Variants in COPB2 observed in about 807,000 individuals in gnomAD.
COPB2 encodes the protein coatomer subunit beta'.
A neutral mutation model predicts 120.8 loss-of-function variants in COPB2; 16 were observed. The ratio of observed to expected loss-of-function variants is 0.13; its 90% CI spans 0.09 to 0.20. The LOEUF (loss-of-function observed/expected upper bound fraction) is 0.20, where lower values mean the gene tolerates loss of function less well. Among genes scored for constraint, COPB2 ranks in the 10% least tolerant of loss-of-function variants. The pLI is 1.00. For synonymous variants in COPB2, 332 were observed against 366.3 expected (o/e 0.91, Z 1.07); for missense variants, 794 against 1,076.5 (o/e 0.74, Z 3.67).
intron 7 of COPB2, chr3:139,374,196 A>C (rs1941675772): frequency 2.3e-6 from 1 of 428,286 alleles, no homozygotes; most frequent in African/African-American, 2.0e-5. Context: ...TTTTGAACCC[A>C]GGTTTGTTTG....
At position 139,374,533 on chromosome 3, in the gene COPB2, C is replaced by G; in HGVS notation, c.707G>C (p.Ser236Thr). 6.2e-7 allele frequency: 1 copy of G among 1,614,030 alleles called. No individual in the cohort carries two copies. Among genetic ancestry groups the G allele is most frequent in the Non-Finnish European group, 8.5e-7 (1 of 1,179,936 alleles). ...AATGATTGGCAACTCAGGATGAAAG[C>G]TGGCACAAGACACATTTTGGGCATG... is the stretch of plus-strand genomic sequence containing the variant. The part of the protein sequence containing the change: ...EGHAQNVSCA[S>T]FHPELPIIIT... The change falls in exon 7 of 22, where the codon AGC (serine) becomes ACC (threonine). Residue 236 changes from serine to threonine, a missense_variant. Physicochemically the swap from Ser to Thr is moderately conservative, Grantham distance 58. Around this residue, in one of 3 missense-constraint regions of COPB2, gnomAD observed 610 missense variants for 866.7 expected, o/e 0.70. Coordinates refer to ENST00000333188, the MANE Select transcript of COPB2 (RefSeq NM_004766.3).
chr3:139,366,994 T>A (rs773129905), intron 14 of COPB2, 21 bp downstream of exon 14: 1 of 1,593,662 alleles, frequency 6.3e-7, no homozygotes, highest in East Asian at 2.2e-5. Flanking sequence ...TTAGGACAAA[T>A]GCAAAATGAT....
At position 139,359,289 on chromosome 3, in the gene COPB2, A is replaced by G. The variant is rs764899944; in HGVS notation, c.2284T>C (p.Leu762=). Residue 762 remains leucine, a synonymous_variant, in exon 18 of 22, where the codon TTA becomes CTA. Transcript: ENST00000333188. The part of the protein sequence containing the change: ...PEAAFLARTY[L]PSQVSRVVKL... ...CTGTACCTTGAAACCTGACTGGGTA[A>G]GTAAGTTCGGGCCAAGAAGGCAGCT... 3.1e-5 allele frequency: 50 copies of G among 1,614,108 alleles called. 1 individual carries two copies. The highest frequency in any genetic ancestry group is 4.2e-5 in the Non-Finnish European group (49 of 1,180,028).
chr3:139,359,695 A>G (rs976172605), intron 17 of COPB2, among the ~76,000 whole-genome samples: 1 of 152,222 alleles, frequency 6.6e-6, no homozygotes, highest in Non-Finnish European at 1.5e-5. Flanking sequence ...CAGTTCCACA[A>G]GACAAATATC....
intron 18 of COPB2, 41 bp downstream of exon 18, chr3:139,359,227 CTT>C (rs762210832): frequency 6.3e-4 from 1,019 of 1,611,810 alleles, no homozygotes; most frequent in Admixed American, 8.0e-4. Flanking sequence ...AATGTGCTCT[CTT>C]TTTATTGGAA....
intron 16 of COPB2, among the ~76,000 whole-genome samples, chr3:139,361,690 G>A (rs192067594): frequency 1.3e-5 from 2 of 152,282 alleles, no homozygotes; most frequent in Admixed American, 1.3e-4. Flanking sequence ...ATAATATTAT[G>A]TCTCACTTGT....
chr3:139,386,583 T>A (rs1286863240), intron 1 of COPB2, among the ~76,000 whole-genome samples: 2 of 152,186 alleles, frequency 1.3e-5, no homozygotes, highest in South Asian at 4.1e-4. Context: ...CAAGGCTTTT[T>A]ACTTCATTTC....
intron 1 of COPB2, among the ~76,000 whole-genome samples, chr3:139,389,231 A>G (rs1293673967): frequency 6.6e-6 from 1 of 152,248 alleles, no homozygotes; most frequent in African/African-American, 2.4e-5. Context: ...CCTCCTACGG[A>G]GTTCAACACA....
chr3:139,371,663 A>G, intron 10 of COPB2, 60 bp downstream of exon 10: 1 of 1,414,236 alleles, frequency 7.1e-7, no homozygotes. Context: ...GAGAGTCTTC[A>G]AGCAGCACAC....
At chr3:139,388,721 G>A (rs2107813681) in intron 1 of COPB2, among the ~76,000 whole-genome samples, 1 of 150,142 alleles carries the variant, frequency 6.7e-6, no homozygotes, top group South Asian at 2.1e-4. Context: ...TGCCTCCCGG[G>A]TTCAAGCGAT....
chr3:139,386,151 A>G (rs1192713750), intron 1 of COPB2, among the ~76,000 whole-genome samples: 1 of 151,892 alleles, frequency 6.6e-6, no homozygotes, highest in Non-Finnish European at 1.5e-5. Flanking sequence ...TTCAGCAACA[A>G]CCTTTACCTC....
chr3:139,379,018 G>A (rs199947867), intron 4 of COPB2, 29 bp downstream of exon 4: 10 of 1,548,526 alleles, frequency 6.5e-6, no homozygotes, highest in Admixed American at 4.3e-5. Context: ...CCAAAGAGAC[G>A]CACATGACCA....
In COPB2 at chr3:139,369,314, A is replaced by T. The variant is rs1245875517; in HGVS notation, c.1348T>A (p.Tyr450Asn). ...ATGAGTTCTGTATTGTCCCAGTCATAGAAGGCTAAGCCATTTACAGATCTG... is the reference window on the plus strand; with the variant it reads ...ATGAGTTCTGTATTGTCCCAGTCATTGAAGGCTAAGCCATTTACAGATCTG... Reference protein sequence around the residue: ...GVRSVNGLAFYDWDNTELIRR... With the variant: ...GVRSVNGLAFNDWDNTELIRR... The change falls in exon 12 of 22, where the codon TAT becomes AAT. Residue 450 changes from tyrosine (Y) to asparagine (N), a missense_variant. Tyr to Asn is a moderately radical substitution (Grantham distance 143). Transcript: ENST00000333188. 6.2e-7 allele frequency: 1 copy of T among 1,613,804 alleles called. No individual in the cohort carries two copies. The highest frequency in any genetic ancestry group is 8.5e-7 in the Non-Finnish European group (1 of 1,179,788).
rs546330408 is a variant in COPB2 at position 139,373,101 on chromosome 3, G to A, written c.1094+112C>T. 3.4e-5 allele frequency: 36 copies of A among 1,058,268 alleles called. No individual in the cohort carries two copies. The African/African-American group carries it at 5.3e-4, about 16-fold the overall frequency. The allele number at this position is 1,058,268 out of a possible 1,614,324, so 65.6% of individuals were successfully genotyped here. A position where few individuals can be genotyped will look rare whatever the true frequency, so the allele number is the denominator to read the frequency against. On this transcript the variant is annotated intron_variant, in intron 9 of 21. Transcript: ENST00000333188. ...TGAGGATTGTGAGGCCAGGGCAAAAGCACATTGAGGAATGATTAGAGATGC... is the reference window on the plus strand; with the variant it reads ...TGAGGATTGTGAGGCCAGGGCAAAAACACATTGAGGAATGATTAGAGATGC...
chr3:139,368,286 A>C lies in COPB2; in HGVS notation c.1404T>G (p.Ile468Met). The change falls in exon 13 of 22, where the codon ATT becomes ATG. Residue 468 changes from isoleucine (I) to methionine (M), a missense_variant and splice_region_variant. Ile to Met is a conservative substitution (Grantham distance 10, BLOSUM62 1). Transcript: ENST00000333188. ...CTAGCTCTCCAGAGTCAGACCAGAA[A>C]ATCTGCAACACAACAAAATCATAGA... ...IRRIEIQPKH[I>M]FWSDSGELVC... The C allele has an allele frequency of 6.2e-7, 1 of 1,607,418 alleles. No individual in the cohort carries two copies. The highest frequency in any genetic ancestry group is 1.1e-5 in the South Asian group (1 of 89,518).
intron 20 of COPB2, 45 bp from the exon 21 acceptor site, chr3:139,358,316 T>C (rs766807648): frequency 2.5e-5 from 39 of 1,531,948 alleles, no homozygotes; most frequent in Non-Finnish European, 3.3e-5. Flanking sequence ...GGGAATTTAC[T>C]CGGGAATTTA....
intron 15 of COPB2, among the ~76,000 whole-genome samples, chr3:139,366,126 A>G (rs1013592995): frequency 6.6e-5 from 10 of 152,220 alleles, no homozygotes; most frequent in African/African-American, 2.2e-4. Context: ...AGCAAAAAGG[A>G]GGGCTGATTT....
intron 2 of COPB2, chr3:139,382,684 C>T (rs567042401): frequency 1.3e-5 from 2 of 152,366 alleles, no homozygotes; most frequent in South Asian, 4.2e-4. Flanking sequence ...TAAGTAGACA[C>T]AACTGTATAG....
chr3:139,362,379 T>C, intron 16 of COPB2, 28 bp downstream of exon 16: 1 of 1,515,968 alleles, frequency 6.6e-7, no homozygotes. Context: ...TTTCCATCAG[T>C]TATGAAAAAT....
Sources: gnomAD v4.1 joint callset for allele counts (sites outside exome capture counted in the v4.1 genomes callset) on GRCh38, gnomAD v4.1.1 for gene constraint, gnomAD v4.1.1 regional missense constraint, MANE v1.5 for transcripts, NCBI Gene and HGNC (gene_info 2026-07-23, HGNC 2026-07-21) for gene names.